Variants in FBXL17 observed in about 807,000 individuals in gnomAD.
FBXL17 encodes F-box/LRR-repeat protein 17.
A neutral mutation model predicts 66.2 loss-of-function variants in FBXL17; 22 were observed. That is an observed-to-expected ratio of 0.33 (90% confidence interval 0.24 to 0.47). FBXL17 has a LOEUF of 0.47. FBXL17 is among the 20% of genes least tolerant of loss of function. The pLI is 1.00. For missense variants in FBXL17, 878 were observed against 948.2 expected (o/e 0.93, Z 0.97); for synonymous variants, 474 against 400.5 (o/e 1.18, Z -2.19).
intron 4 of FBXL17, among the ~76,000 whole-genome samples, chr5:108,242,214 A>G (rs989260307): frequency 6.6e-6 from 1 of 152,140 alleles, no homozygotes; most frequent in Non-Finnish European, 1.5e-5. Context: ...AACTACAACA[A>G]CTTTTCAAGA....
chr5:107,948,757 G>C (rs1294654009), intron 7 of FBXL17, among the ~76,000 whole-genome samples: 2 of 152,098 alleles, frequency 1.3e-5, no homozygotes, highest in Non-Finnish European at 2.9e-5. Context: ...GAAAGTTATA[G>C]GACCTCTCTT....
intron 7 of FBXL17, among the ~76,000 whole-genome samples, chr5:107,895,677 T>C (rs1412382940): frequency 1.3e-5 from 2 of 152,134 alleles, no homozygotes; most frequent in African/African-American, 2.4e-5. Flanking sequence ...TTGTAAATGA[T>C]TCTATGTTTG....
intron 6 of FBXL17, among the ~76,000 whole-genome samples, chr5:108,171,425 C>G (rs1448042906): frequency 6.6e-6 from 1 of 152,188 alleles, no homozygotes; most frequent in Non-Finnish European, 1.5e-5. Context: ...GCAAGACATT[C>G]TACCTATCTG....
rs146176809 is a variant in FBXL17 at position 108,137,105 on chromosome 5, C to A, written c.1745+49012G>T. ...TTATCAAAGTTGCCATAACTTAATT[C>A]TCTATGAACTAAATATGTCTCTTTT... On this transcript the variant is annotated intron_variant, in intron 6 of 8. Coordinates refer to ENST00000542267, the MANE Select transcript of FBXL17 (RefSeq NM_001163315.3). Among the ~76,000 whole-genome samples the A allele has an allele frequency of 3.3e-5, 5 of 152,198 alleles. No homozygotes were observed. In the East Asian group the frequency reaches 9.7e-4, roughly 29 times the overall value.
At chr5:108,231,374 T>C (rs1376925727) in intron 4 of FBXL17, among the ~76,000 whole-genome samples, 1 of 152,182 alleles carries the variant, frequency 6.6e-6, no homozygotes, top group Non-Finnish European at 1.5e-5. Context: ...TCCCTATCTC[T>C]ATACTTTTAC....
rs1413815657 is a variant in FBXL17 at position 108,381,454 on chromosome 5, GCTC to G, written c.235_237del (p.Glu79del). 7.6e-7 allele frequency: 1 copy of G among 1,317,546 alleles called. No individual in the cohort carries two copies. The allele number at this position is 1,317,546 out of a possible 1,614,324, so 81.6% of individuals were successfully genotyped here. On this transcript the variant is annotated inframe_deletion, in exon 1 of 9. Coordinates refer to ENST00000542267, the MANE Select transcript of FBXL17 (RefSeq NM_001163315.3). ...TCCCGCGGCGGCGGCGAGAGCGGCGGCTCCTCCTCTGGGCCGGCGGGGGCGGGC... is the reference window on the plus strand; with the variant it reads ...TCCCGCGGCGGCGGCGAGAGCGGCGGCTCCTCTGGGCCGGCGGGGGCGGGC...
intron 6 of FBXL17, among the ~76,000 whole-genome samples, chr5:108,166,680 C>A (rs938699506): frequency 6.6e-6 from 1 of 152,110 alleles, no homozygotes; most frequent in African/African-American, 2.4e-5. Flanking sequence ...GAGTCAAGAG[C>A]TTGCTGGCAG....
chr5:108,237,563 C>T (rs1220455622), intron 4 of FBXL17, among the ~76,000 whole-genome samples: 1 of 152,170 alleles, frequency 6.6e-6, no homozygotes, highest in Non-Finnish European at 1.5e-5. Flanking sequence ...GCTTAATGGA[C>T]TTTAATATCC....
chr5:108,177,636 A>G (rs967814166), intron 6 of FBXL17, among the ~76,000 whole-genome samples: 1 of 152,072 alleles, frequency 6.6e-6, no homozygotes, highest in East Asian at 1.9e-4. Flanking sequence ...CTGAAGCAGA[A>G]TAAGGACATG....
chr5:108,115,959 C>A (rs1011968279), intron 6 of FBXL17, among the ~76,000 whole-genome samples: 1 of 152,202 alleles, frequency 6.6e-6, no homozygotes, highest in South Asian at 2.1e-4. Context: ...GGCTGACCAC[C>A]TTCCATGACT....
At chr5:107,884,577 C>A (rs191836401) in intron 7 of FBXL17, among the ~76,000 whole-genome samples, 6 of 152,298 alleles carry the variant, frequency 3.9e-5, no homozygotes, top group African/African-American at 1.4e-4. Context: ...AAATATACAG[C>A]ACGTAATTTG....
At chr5:108,122,082 A>G (rs936873368) in intron 6 of FBXL17, among the ~76,000 whole-genome samples, 3 of 152,278 alleles carry the variant, frequency 2.0e-5, no homozygotes, top group Non-Finnish European at 4.4e-5. Flanking sequence ...TCTAAGTTAT[A>G]AACCACATTT....
At chr5:108,288,933 T>C (rs562056615) in intron 4 of FBXL17, among the ~76,000 whole-genome samples, 7 of 152,240 alleles carry the variant, frequency 4.6e-5, no homozygotes, top group African/African-American at 1.4e-4. Context: ...GCAATGCTGA[T>C]GACATCTCAA....
chr5:107,902,412 A>C (rs183954928), intron 7 of FBXL17, among the ~76,000 whole-genome samples: 23 of 152,314 alleles, frequency 1.5e-4, no homozygotes, highest in African/African-American at 5.5e-4. Context: ...TTTTTAAAGA[A>C]ATATTTATTA....
intron 6 of FBXL17, among the ~76,000 whole-genome samples, chr5:108,024,120 C>T (rs1381049105): frequency 6.6e-6 from 1 of 152,052 alleles, no homozygotes; most frequent in African/African-American, 2.4e-5. Flanking sequence ...TGGCCATTCT[C>T]TATGGATCAG....
intron 6 of FBXL17, among the ~76,000 whole-genome samples, chr5:108,100,283 G>GA (rs1335712315): frequency 6.6e-6 from 1 of 152,004 alleles, no homozygotes; most frequent in African/African-American, 2.4e-5. Context: ...TGAACCATCA[G>GA]AAAAAAGTTT....
At chr5:108,070,686 T>C (rs367984208) in intron 6 of FBXL17, among the ~76,000 whole-genome samples, 2 of 152,348 alleles carry the variant, frequency 1.3e-5, no homozygotes, top group Non-Finnish European at 2.9e-5. Context: ...TTAATGTCAA[T>C]TAAAAATACA....
intron 6 of FBXL17, among the ~76,000 whole-genome samples, chr5:108,107,581 G>C (rs1397471807): frequency 6.6e-6 from 1 of 151,986 alleles, no homozygotes; most frequent in African/African-American, 2.4e-5. Context: ...GGGAGGCCAA[G>C]GCGGGCAGAT....
chr5:108,067,882 A>G (rs1422016353), intron 6 of FBXL17, among the ~76,000 whole-genome samples: 1 of 152,240 alleles, frequency 6.6e-6, no homozygotes, highest in African/African-American at 2.4e-5. Flanking sequence ...AGCCAATTCT[A>G]AGTTACAGGC....
Sources: allele counts gnomAD v4.1 joint callset (sites outside exome capture counted in the v4.1 genomes callset), GRCh38; gene constraint gnomAD v4.1.1; transcripts MANE v1.5; gene names NCBI Gene and HGNC (gene_info 2026-07-23, HGNC 2026-07-21).